HPSE2: variants seen among roughly 807,000 people sequenced by gnomAD.
The protein encoded by HPSE2 is inactive heparanase-2.
In HPSE2, 38 loss-of-function variants were observed where a neutral mutation model predicts 60.5. The ratio of observed to expected loss-of-function variants is 0.63; its 90% CI spans 0.48 to 0.82. HPSE2 has a LOEUF of 0.82. HPSE2 is among the 40% of genes least tolerant of loss of function. HPSE2 has a pLI of 0.00. For synonymous variants in HPSE2, 295 were observed against 293.2 expected, an observed-to-expected ratio of 1.01 and a Z score of -0.06; for missense variants, 713 against 740.4, an observed-to-expected ratio of 0.96 and a Z score of 0.43.
intron 2 of HPSE2, 26 bp downstream of exon 2, chr10:99,232,322 T>C: frequency 1.3e-6 from 2 of 1,549,622 alleles, no homozygotes; most frequent in Non-Finnish European, 8.7e-7. Context: ...GCTCCCCAAA[T>C]AAAGAATGGT....
At chr10:99,179,187 G>A (rs571526620) in intron 2 of HPSE2, among the ~76,000 whole-genome samples, 1 of 152,222 alleles carries the variant, frequency 6.6e-6, no homozygotes, top group African/African-American at 2.4e-5. Flanking sequence ...AAAACTAGAA[G>A]TATTCCCTTT....
chr10:98,483,618 G>C (rs577050067), intron 10 of HPSE2, among the ~76,000 whole-genome samples: 3 of 152,088 alleles, frequency 2.0e-5, no homozygotes, highest in Non-Finnish European at 4.4e-5. Context: ...CTAAGTGATC[G>C]CGTGATTTGC....
At chr10:98,543,035 C>T (rs1475654838) in intron 9 of HPSE2, among the ~76,000 whole-genome samples, 1 of 151,996 alleles carries the variant, frequency 6.6e-6, no homozygotes, top group Non-Finnish European at 1.5e-5. Context: ...GTCAGATTCA[C>T]CAAAGTTGAA....
intron 11 of HPSE2, among the ~76,000 whole-genome samples, chr10:98,460,098 G>A (rs10786428): frequency 0.67 from 101,477 of 152,024 alleles, 34,225 homozygotes; most frequent in African/African-American, 0.75. Context: ...TGCAGAAGCT[G>A]GAATGTTTCA....
At chr10:98,985,367 A>C (rs931970072) in intron 3 of HPSE2, among the ~76,000 whole-genome samples, 4 of 152,174 alleles carry the variant, frequency 2.6e-5, no homozygotes, top group South Asian at 2.1e-4. Flanking sequence ...ATTTTTAACC[A>C]AGAATTTCAT....
At chr10:98,807,209 C>A (rs982493035) in intron 3 of HPSE2, among the ~76,000 whole-genome samples, 1 of 152,170 alleles carries the variant, frequency 6.6e-6, no homozygotes, top group Non-Finnish European at 1.5e-5. Context: ...TCAATATTTT[C>A]AAAATTCTGC....
chr10:99,133,406 C>T (rs2135745419), intron 3 of HPSE2, among the ~76,000 whole-genome samples: 1 of 152,330 alleles, frequency 6.6e-6, no homozygotes, highest in Middle Eastern at 3.4e-3. Context: ...CAGACTGCCG[C>T]CTCAAGTGGG....
chr10:99,270,309 C>A, the HPSE2 span, among the ~76,000 whole-genome samples: 1 of 152,048 alleles, frequency 6.6e-6, no homozygotes, highest in Non-Finnish European at 1.5e-5. Context: ...AGAACCAATA[C>A]CACAGAAATA....
intron 5 of HPSE2, among the ~76,000 whole-genome samples, chr10:98,706,783 G>T (rs1012766259): frequency 1.3e-5 from 2 of 152,108 alleles, no homozygotes; most frequent in African/African-American, 4.8e-5. Flanking sequence ...AATGGCAGGA[G>T]GTCAGGTTGG....
intron 3 of HPSE2, among the ~76,000 whole-genome samples, chr10:98,899,512 C>T (rs1335840118): frequency 6.6e-6 from 1 of 151,984 alleles, no homozygotes; most frequent in Non-Finnish European, 1.5e-5. Flanking sequence ...AAGATTTGAA[C>T]CTATACTTCA....
At chr10:99,095,700 A>G (rs1843696279) in intron 3 of HPSE2, among the ~76,000 whole-genome samples, 1 of 152,232 alleles carries the variant, frequency 6.6e-6, no homozygotes, top group South Asian at 2.1e-4. Flanking sequence ...AGGTTCATCC[A>G]TGTTGTAGCA....
chr10:98,646,250 G>T (rs917030975), intron 6 of HPSE2, among the ~76,000 whole-genome samples: 2 of 151,946 alleles, frequency 1.3e-5, no homozygotes, highest in Middle Eastern at 3.2e-3. Flanking sequence ...AGATGGAGTA[G>T]TCTGTGGTGA....
At chr10:99,238,939 C>G (rs917193538), upstream of HPSE2, among the ~76,000 whole-genome samples, 1 of 152,054 alleles carries the variant, frequency 6.6e-6, no homozygotes, top group Admixed American at 6.6e-5. Context: ...GCAGGCGGAT[C>G]ACCTGAGGTA....
chr10:99,140,971 A>G (rs550680985), intron 3 of HPSE2, among the ~76,000 whole-genome samples: 2 of 152,278 alleles, frequency 1.3e-5, no homozygotes, highest in South Asian at 4.1e-4. Context: ...CAGGAGGCGG[A>G]GCTTGCAGTG....
chr10:99,084,515 C>A (rs1843255251), intron 3 of HPSE2, among the ~76,000 whole-genome samples: 2 of 152,088 alleles, frequency 1.3e-5, no homozygotes, highest in Non-Finnish European at 2.9e-5. Flanking sequence ...TCCTTATACT[C>A]AGAGAGTTAT....
At chr10:98,850,210 C>G (rs532492292) in intron 3 of HPSE2, among the ~76,000 whole-genome samples, 20 of 152,158 alleles carry the variant, frequency 1.3e-4, no homozygotes, top group Non-Finnish European at 2.5e-4. Context: ...AAAAAGGCCT[C>G]TCTGTAGCAC....
intron 9 of HPSE2, among the ~76,000 whole-genome samples, chr10:98,530,186 T>G (rs939858081): frequency 6.6e-6 from 1 of 152,130 alleles, no homozygotes; most frequent in African/African-American, 2.4e-5. Context: ...TACATGGGGA[T>G]GAGGTGGGGT....
intron 6 of HPSE2, among the ~76,000 whole-genome samples, chr10:98,646,793 A>G (rs1007281221): frequency 6.6e-6 from 1 of 152,230 alleles, no homozygotes; most frequent in Non-Finnish European, 1.5e-5. Context: ...ATTACAAAAG[A>G]ACTAAATGCT....
chr10:98,772,497 C>G (rs1286738490), intron 3 of HPSE2, among the ~76,000 whole-genome samples: 1 of 152,022 alleles, frequency 6.6e-6, no homozygotes, highest in African/African-American at 2.4e-5. Context: ...CTCAAAGGGA[C>G]CTATGGTCAT....
Sources: allele counts gnomAD v4.1 joint callset (sites outside exome capture counted in the v4.1 genomes callset), GRCh38; gene constraint gnomAD v4.1.1; transcripts MANE v1.5; gene names NCBI Gene and HGNC (gene_info 2026-07-23, HGNC 2026-07-21).